Variants in ARHGEF3 observed in about 807,000 individuals in gnomAD.
The protein encoded by ARHGEF3 is Rho guanine nucleotide exchange factor 3.
A neutral mutation model predicts 63.2 loss-of-function variants in ARHGEF3; 28 were observed. The observed-to-expected ratio is 0.44, with a 90% CI of 0.33 to 0.61. ARHGEF3 has a LOEUF of 0.61. Among genes scored for constraint, ARHGEF3 ranks in the 20% least tolerant of loss-of-function variants. ARHGEF3 has a pLI of 0.03. For missense variants in ARHGEF3, 533 were observed against 659.3 expected (o/e 0.81, Z 2.10); for synonymous variants, 266 against 254.2 (o/e 1.05, Z -0.44).
chr3:56,787,658 T>C (rs966674908), intron 1 of ARHGEF3, among the ~76,000 whole-genome samples: 31 of 152,158 alleles, frequency 2.0e-4, no homozygotes, highest in African/African-American at 7.5e-4. Context: ...CAAATCTACC[T>C]GCCTTGAAAA....
intron 3 of ARHGEF3, among the ~76,000 whole-genome samples, chr3:56,885,984 C>T (rs904247071): frequency 2.0e-4 from 31 of 152,244 alleles, no homozygotes; most frequent in African/African-American, 5.3e-4. Flanking sequence ...ACTTTTGACA[C>T]GCAAAACCCC....
chr3:56,751,240 A>G (rs2034723383), intron 5 of ARHGEF3, 60 bp downstream of exon 5: 4 of 1,551,242 alleles, frequency 2.6e-6, no homozygotes, highest in Non-Finnish European at 3.6e-6. Flanking sequence ...TCACTCACTC[A>G]TTATAAGACA....
Position 56,968,293 on chromosome 3 carries a change from T to C in ARHGEF3, c.63-9404A>G, listed in dbSNP as rs1700742814. On this transcript the variant is annotated intron_variant, in intron 2 of 12. Coordinates refer to the ARHGEF3 transcript ENST00000338458. ...TAATATATAAAATATATATAATATA[T>C]ATAATATATAATATATATAAAATAT... Among the ~76,000 whole-genome samples, 2 of 61,758 alleles carry C rather than the reference T, an allele frequency of 3.2e-5. 1 individual carries two copies. The highest frequency in any genetic ancestry group is 6.1e-5 in the Non-Finnish European group (2 of 32,630). The allele number at this position is 61,758 out of a possible 152,430, so 40.5% of individuals were successfully genotyped here.
At chr3:56,834,555 G>A (rs1169807215) in intron 4 of ARHGEF3, among the ~76,000 whole-genome samples, 3 of 151,982 alleles carry the variant, frequency 2.0e-5, no homozygotes, top group South Asian at 2.1e-4. Flanking sequence ...ACCTGAGATC[G>A]GGAGTTTGAG....
At chr3:56,938,281 T>C (rs572619548) in intron 3 of ARHGEF3, among the ~76,000 whole-genome samples, 1 of 152,158 alleles carries the variant, frequency 6.6e-6, no homozygotes. Flanking sequence ...AAGAAAAGAA[T>C]TTTAATCTTC....
chr3:56,749,456 C>A (rs2034594358), intron 6 of ARHGEF3, among the ~76,000 whole-genome samples: 1 of 152,218 alleles, frequency 6.6e-6, no homozygotes, highest in Admixed American at 6.5e-5. Flanking sequence ...GCTGTCTCAT[C>A]AAAAGCAGAG....
intron 1 of ARHGEF3, among the ~76,000 whole-genome samples, chr3:57,058,137 T>G (rs1418195002): frequency 6.6e-6 from 1 of 152,194 alleles, no homozygotes; most frequent in Non-Finnish European, 1.5e-5. Context: ...CAATTAAAAG[T>G]CCTGAAAGAA....
chr3:56,752,948 C>A (rs1027660773), intron 4 of ARHGEF3, among the ~76,000 whole-genome samples: 11 of 152,170 alleles, frequency 7.2e-5, no homozygotes, highest in African/African-American at 2.7e-4. Flanking sequence ...GGATTTTAGC[C>A]TCCAAGCCAT....
intron 3 of ARHGEF3, among the ~76,000 whole-genome samples, chr3:56,921,615 C>T (rs992238248): frequency 6.6e-6 from 1 of 152,208 alleles, no homozygotes; most frequent in Non-Finnish European, 1.5e-5. Context: ...AATTCCTCTG[C>T]CTGCTTCACC....
intron 3 of ARHGEF3, among the ~76,000 whole-genome samples, chr3:56,916,126 G>T (rs1161355208): frequency 1.3e-5 from 2 of 152,150 alleles, no homozygotes; most frequent in South Asian, 2.1e-4. Context: ...TGATTCATAC[G>T]AAAGTGAGGC....
At chr3:56,990,038 G>A (rs1285017575) in intron 2 of ARHGEF3, among the ~76,000 whole-genome samples, 3 of 152,148 alleles carry the variant, frequency 2.0e-5, no homozygotes, top group East Asian at 1.9e-4. Context: ...ACCCAGCTTC[G>A]CTACCCAGCT....
intron 8 of ARHGEF3, among the ~76,000 whole-genome samples, chr3:56,736,940 CA>C (rs1421573461): frequency 6.6e-6 from 1 of 151,984 alleles, no homozygotes; most frequent in Non-Finnish European, 1.5e-5. Context: ...TAAAAAAATA[CA>C]AAAATTAGCT....
intron 2 of ARHGEF3, among the ~76,000 whole-genome samples, chr3:56,985,982 C>G (rs1236174848): frequency 1.3e-5 from 2 of 152,174 alleles, no homozygotes; most frequent in African/African-American, 4.8e-5. Context: ...TTCAAAGACT[C>G]TCAAAGAGCC....
intron 1 of ARHGEF3, among the ~76,000 whole-genome samples, chr3:57,055,350 C>T (rs768544686): frequency 7.9e-5 from 12 of 151,966 alleles, no homozygotes; most frequent in Admixed American, 3.9e-4. Flanking sequence ...TTAGAAGAGA[C>T]GGGGTTCCAC....
intron 4 of ARHGEF3, among the ~76,000 whole-genome samples, chr3:56,831,684 T>C (rs1471553152): frequency 1.3e-5 from 2 of 152,218 alleles, no homozygotes; most frequent in Non-Finnish European, 2.9e-5. Flanking sequence ...ATTCAGTTAT[T>C]ATGAGGCCTG....
chr3:57,020,529 C>T (rs1220223300), intron 2 of ARHGEF3, among the ~76,000 whole-genome samples: 2 of 152,278 alleles, frequency 1.3e-5, no homozygotes, highest in Admixed American at 6.5e-5. Flanking sequence ...GGAGAGAGCA[C>T]GAAGCCCACG....
rs1006787449 is a variant in ARHGEF3, at chr3:56,727,867, CAT to C, written c.*1401_*1402del. Reference sequence around the variant, plus strand: ...TATCTTGTCACACAGCTTGAATGCACATGATATATGTACATAATAAAATGACA... The same window carrying C: ...TATCTTGTCACACAGCTTGAATGCACGATATATGTACATAATAAAATGACA... On this transcript the variant is annotated 3_prime_UTR_variant, in exon 10 of 10. Transcript: ENST00000296315. 1.3e-5 allele frequency: 2 copies of C among 152,546 alleles called. No homozygotes were observed. Among genetic ancestry groups the C allele is most frequent in the African/African-American group, 4.8e-5 (2 of 41,416 alleles). 9.4% of individuals were successfully genotyped at this position (152,546 alleles called of 1,614,324 possible).
At chr3:56,852,515 T>G (rs1356270280) in intron 4 of ARHGEF3, among the ~76,000 whole-genome samples, 1 of 152,154 alleles carries the variant, frequency 6.6e-6, no homozygotes, top group Non-Finnish European at 1.5e-5. Flanking sequence ...CGTGTACACG[T>G]GCACACACAC....
At chr3:56,994,054 A>G (rs1701872562) in intron 2 of ARHGEF3, among the ~76,000 whole-genome samples, 3 of 138,064 alleles carry the variant, frequency 2.2e-5, no homozygotes, top group African/African-American at 8.1e-5. Context: ...ACAAGAGTGA[A>G]ACTTCGTCTC....
Sources: gnomAD v4.1 joint callset for allele counts (sites outside exome capture counted in the v4.1 genomes callset) on GRCh38, gnomAD v4.1.1 for gene constraint, MANE v1.5 for transcripts, NCBI Gene and HGNC (gene_info 2026-07-23, HGNC 2026-07-21) for gene names.